DCHS2: variants seen among roughly 807,000 people sequenced by gnomAD.
DCHS2 encodes the protein dachsous cadherin-related 2.
Under a neutral mutation model 182.4 loss-of-function variants are expected in DCHS2, and 142 were observed. That is an observed-to-expected ratio of 0.78 (90% CI 0.68 to 0.89). The LOEUF is 0.89. Among genes scored for constraint, DCHS2 ranks in the 40% least tolerant of loss-of-function variants. The pLI is 0.00. For synonymous variants in DCHS2, 1,740 were observed against 1,663.3 expected (o/e 1.05, Z -1.12); for missense variants, 4,319 against 4,198.6 (o/e 1.03, Z -0.79).
chr4:154,486,451 G>A lies in DCHS2; in HGVS notation c.2052+2853C>T, dbSNP rs755965918. 4.1e-5 allele frequency: 53 copies of A among 1,304,634 alleles called. 3 individuals are homozygous for A. The South Asian group carries it at 6.4e-4, about 16-fold the overall frequency. The allele number at this position is 1,304,634 out of a possible 1,614,324, so 80.8% of individuals were successfully genotyped here. On this transcript the variant is annotated intron_variant, in intron 1 of 19. Coordinates refer to ENST00000357232, the MANE Select transcript of DCHS2 (RefSeq NM_001358235.2). Reference sequence around the variant, plus strand: ...ATTATCTTACAGGAAATCTAGGCAAGATTTTGTTTTTCCTGTATTTCCTTT... The same window carrying A: ...ATTATCTTACAGGAAATCTAGGCAAAATTTTGTTTTTCCTGTATTTCCTTT...
In DCHS2 at chr4:154,236,412, T is replaced by C. The variant is rs547933474; in HGVS notation, c.8240A>G (p.Lys2747Arg). 1 of 1,614,108 alleles carries C rather than the reference T, an allele frequency of 6.2e-7. No individual in the cohort carries two copies. Among genetic ancestry groups the C allele is most frequent in the East Asian group, 2.2e-5 (1 of 44,856 alleles). ...TLTVQASDAE[K>R]KHFSFAVVFV... Reference sequence around the variant, plus strand: ...CACAACTGCAAAAGAAAAATGTTTCTTTTCTGCATCTGAAGCTTGGACAGT... The same window carrying C: ...CACAACTGCAAAAGAAAAATGTTTCCTTTCTGCATCTGAAGCTTGGACAGT... The change falls in exon 20 of 20, where the codon AAG (lysine) becomes AGG (arginine). Residue 2747 changes from lysine to arginine, a missense_variant. Coordinates refer to ENST00000357232, the MANE Select transcript of DCHS2 (RefSeq NM_001358235.2).
intron 10 of DCHS2, among the ~76,000 whole-genome samples, chr4:154,312,720 T>C (rs1414688447): frequency 6.6e-6 from 1 of 152,174 alleles, no homozygotes. Flanking sequence ...TATTGTCCAC[T>C]CGAATGAGAA....
At chr4:154,349,045 T>C (rs1729485080) in intron 3 of DCHS2, among the ~76,000 whole-genome samples, 1 of 152,026 alleles carries the variant, frequency 6.6e-6, no homozygotes, top group African/African-American at 2.4e-5. Context: ...GACAGTTAAA[T>C]CAGGCAGTTA....
chr4:154,449,807 A>C (rs1308189157), intron 1 of DCHS2, among the ~76,000 whole-genome samples: 1 of 152,198 alleles, frequency 6.6e-6, no homozygotes, highest in Admixed American at 6.5e-5. Flanking sequence ...ATTGCTAAAA[A>C]TTTCCCTTAG....
intron 1 of DCHS2, among the ~76,000 whole-genome samples, chr4:154,463,120 T>TAC (rs1160433269): frequency 4.0e-5 from 6 of 150,666 alleles, no homozygotes; most frequent in Non-Finnish European, 8.9e-5. Flanking sequence ...CTTATGTATA[T>TAC]ACATAAGTAT....
intron 16 of DCHS2, among the ~76,000 whole-genome samples, chr4:154,252,479 A>G (rs548770766): frequency 6.6e-6 from 1 of 151,840 alleles, no homozygotes; most frequent in Non-Finnish European, 1.5e-5. Context: ...CTTGCCCTCA[A>G]TCCTCCCTGA....
chr4:154,481,177 G>C (rs915717421), intron 1 of DCHS2, among the ~76,000 whole-genome samples: 3 of 152,154 alleles, frequency 2.0e-5, no homozygotes, highest in Non-Finnish European at 4.4e-5. Context: ...TTTTCCTAGA[G>C]TATCTATTGA....
At chr4:154,440,680 T>C (rs561913487) in intron 1 of DCHS2, among the ~76,000 whole-genome samples, 1 of 152,314 alleles carries the variant, frequency 6.6e-6, no homozygotes, top group South Asian at 2.1e-4. Context: ...TATTCTATTT[T>C]AATGAGACAT....
At chr4:154,442,149 C>T (rs1266872479) in intron 1 of DCHS2, among the ~76,000 whole-genome samples, 1 of 152,122 alleles carries the variant, frequency 6.6e-6, no homozygotes, top group East Asian at 1.9e-4. Context: ...CAGAATTCAA[C>T]TTGCTCCCAG....
At chr4:154,300,058 G>T (rs747381408) in intron 12 of DCHS2, among the ~76,000 whole-genome samples, 1 of 152,148 alleles carries the variant, frequency 6.6e-6, no homozygotes, top group Non-Finnish European at 1.5e-5. Context: ...ACAAGTTTTG[G>T]GGAGAGTGTT....
intron 16 of DCHS2, among the ~76,000 whole-genome samples, chr4:154,252,802 A>C (rs1732444801): frequency 6.6e-6 from 1 of 151,884 alleles, no homozygotes; most frequent in Non-Finnish European, 1.5e-5. Flanking sequence ...CGATATAGTG[A>C]TTTCTTTTTA....
chr4:154,435,008 A>G (rs952324826), intron 1 of DCHS2, among the ~76,000 whole-genome samples: 9 of 152,198 alleles, frequency 5.9e-5, no homozygotes, highest in Non-Finnish European at 1.3e-4. Flanking sequence ...CAATGGAGAA[A>G]GGACAAGAGG....
intron 1 of DCHS2, among the ~76,000 whole-genome samples, chr4:154,417,721 G>C (rs750425352): frequency 2.6e-5 from 4 of 152,280 alleles, no homozygotes; most frequent in African/African-American, 7.2e-5. Context: ...AAGTGTCCTG[G>C]TTCTGTGAGA....
intron 13 of DCHS2, among the ~76,000 whole-genome samples, chr4:154,285,142 G>A (rs1379774713): frequency 6.6e-6 from 1 of 152,016 alleles, no homozygotes; most frequent in Non-Finnish European, 1.5e-5. Flanking sequence ...AAAGAAACCT[G>A]CTATCTTTAA....
chr4:154,462,803 A>T lies in DCHS2; in HGVS notation c.2052+26501T>A, dbSNP rs138112524. On this transcript the variant is annotated intron_variant, in intron 1 of 19. Transcript: ENST00000357232. ...GCTAAAGACATAAATGTATAAACCC[A>T]ATATGTAGTAAAAAGACTATGAACG... Among the ~76,000 whole-genome samples the T allele has an allele frequency of 1.4e-3, 211 of 152,246 alleles. 4 individuals are homozygous for T. The East Asian group carries it at 0.035, about 25-fold the overall frequency.
intron 12 of DCHS2, among the ~76,000 whole-genome samples, chr4:154,304,464 A>T (rs1253069566): frequency 6.6e-6 from 1 of 152,066 alleles, no homozygotes; most frequent in Non-Finnish European, 1.5e-5. Context: ...ATCAACAGAG[A>T]GTGTGTGTCA....
intron 4 of DCHS2, 99 bp downstream of exon 4, chr4:154,334,768 TG>T: frequency 1.1e-6 from 1 of 949,738 alleles, no homozygotes; most frequent in Non-Finnish European, 1.6e-6. Flanking sequence ...TTGACTTGCG[TG>T]GAAAGAAGAA....
intron 1 of DCHS2, among the ~76,000 whole-genome samples, chr4:154,479,431 C>T (rs1579121100): frequency 6.6e-6 from 1 of 152,026 alleles, no homozygotes; most frequent in Non-Finnish European, 1.5e-5. Context: ...TAGAAAGATT[C>T]CTGTTGGCAC....
At chr4:154,263,301 A>G (rs1409123891) in intron 14 of DCHS2, among the ~76,000 whole-genome samples, 1 of 152,102 alleles carries the variant, frequency 6.6e-6, no homozygotes, top group Non-Finnish European at 1.5e-5. Flanking sequence ...TCTTGACAGC[A>G]ATATGTTAAA....
Sources: allele counts gnomAD v4.1 joint callset (sites outside exome capture counted in the v4.1 genomes callset), GRCh38; gene constraint gnomAD v4.1.1; transcripts MANE v1.5; gene names NCBI Gene and HGNC (gene_info 2026-07-23, HGNC 2026-07-21).